GATAD2A: variants seen among roughly 807,000 people sequenced by gnomAD.
The protein encoded by GATAD2A is transcriptional repressor p66-alpha.
In GATAD2A, 12 loss-of-function variants were observed where a neutral mutation model predicts 68.5. That is an observed-to-expected ratio of 0.18 (90% CI 0.11 to 0.28). The LOEUF is 0.28. Ranked by LOEUF, GATAD2A falls within the 10% of genes least tolerant of loss-of-function variation. The pLI is 1.00. For synonymous variants in GATAD2A, 410 were observed against 375.3 expected (o/e 1.09, Z -1.07); for missense variants, 755 against 868.5 (o/e 0.87, Z 1.64).
At chr19:19,417,694 T>C (rs983232963) in intron 1 of GATAD2A, among the ~76,000 whole-genome samples, 5 of 152,118 alleles carry the variant, frequency 3.3e-5, no homozygotes, top group African/African-American at 1.2e-4. Flanking sequence ...AGCATGACAA[T>C]ATCGACTTGA....
At chr19:19,420,609 G>A (rs2052295521) in intron 1 of GATAD2A, among the ~76,000 whole-genome samples, 1 of 151,820 alleles carries the variant, frequency 6.6e-6, no homozygotes, top group Admixed American at 6.6e-5. Context: ...GAAAGTGCTG[G>A]GATTACAGGT....
chr19:19,466,177 T>G (rs755028582), intron 2 of GATAD2A, among the ~76,000 whole-genome samples: 1 of 152,234 alleles, frequency 6.6e-6, no homozygotes, highest in Non-Finnish European at 1.5e-5. Context: ...AAGAGTGACT[T>G]TCCTCATATT....
chr19:19,419,329 C>T (rs1022392941), intron 1 of GATAD2A, among the ~76,000 whole-genome samples: 28 of 152,138 alleles, frequency 1.8e-4, no homozygotes, highest in African/African-American at 2.7e-4. Context: ...TCCTGCATCT[C>T]GTACACTGGC....
Position 19,472,720 on chromosome 19 carries a change from G to A in GATAD2A, c.269+7106G>A, listed in dbSNP as rs1220832153. On this transcript the variant is annotated intron_variant, in intron 2 of 11. Coordinates refer to ENST00000683918, the MANE Select transcript of GATAD2A (RefSeq NM_001384528.1). ...CAGGGGTCCTGCAACTGAAAGGTAAGGACTGAGGGTCCCTCAGTCACCTTG... is the reference window on the plus strand; with the variant it reads ...CAGGGGTCCTGCAACTGAAAGGTAAAGACTGAGGGTCCCTCAGTCACCTTG... 4 of 151,904 alleles carry A rather than the reference G, an allele frequency of 2.6e-5. No individual in the cohort carries two copies. In the South Asian group the frequency reaches 6.2e-4, roughly 24 times the overall value. The allele number at this position is 151,904 out of a possible 1,614,324, so 9.4% of individuals were successfully genotyped here.
At chr19:19,450,230 C>A (rs1011354775) in intron 1 of GATAD2A, among the ~76,000 whole-genome samples, 2 of 152,222 alleles carry the variant, frequency 1.3e-5, no homozygotes. Context: ...GGGTCATTAG[C>A]ATTTCAGATG....
chr19:19,489,415 A>G (rs2059640335), intron 2 of GATAD2A, among the ~76,000 whole-genome samples: 1 of 152,270 alleles, frequency 6.6e-6, no homozygotes, highest in African/African-American at 2.4e-5. Flanking sequence ...TTAAAGGGTC[A>G]TGTGACCAAG....
Position 19,412,151 on chromosome 19 carries a change from A to T in GATAD2A, c.-7+6132A>T, listed in dbSNP as rs1236364738. Among the ~76,000 whole-genome samples the T allele has an allele frequency of 1.9e-4, 24 of 128,156 alleles. 1 individual carries two copies. The highest frequency in any genetic ancestry group is 2.6e-4 in the African/African-American group (9 of 34,384). The allele number at this position is 128,156 out of a possible 152,430, so 84.1% of individuals were successfully genotyped here. The stretch of plus-strand genomic sequence containing the variant: ...TCTCTCTCTTTTTTTTTAATTTTTA[A>T]TTTTTTTTTTAATTTTTTTGTTGAG... On this transcript the variant is annotated intron_variant, in intron 1 of 11. Transcript: ENST00000683918.
intron 2 of GATAD2A, among the ~76,000 whole-genome samples, chr19:19,484,074 A>G (rs1276797544): frequency 6.6e-6 from 1 of 152,106 alleles, no homozygotes; most frequent in Non-Finnish European, 1.5e-5. Context: ...TCCAGGTTGC[A>G]GTGAATGCTG....
Position 19,500,219 on chromosome 19 carries a change from C to T in GATAD2A, c.1205-899C>T, listed in dbSNP as rs142606046. On this transcript the variant is annotated intron_variant, in intron 8 of 11. Transcript: ENST00000683918. ...CTCGCACCATGTCTGGTTCTGGCGCCGCTCACGCTGGCCATGGGTTGGACG... is the reference window on the plus strand; with the variant it reads ...CTCGCACCATGTCTGGTTCTGGCGCTGCTCACGCTGGCCATGGGTTGGACG... Among the ~76,000 whole-genome samples the T allele has an allele frequency of 3.0e-3, 463 of 152,330 alleles. 4 individuals are homozygous for T. The highest frequency in any genetic ancestry group is 1.2e-3 in the Non-Finnish European group (79 of 68,024).
At chr19:19,435,123 A>G (rs111726405) in intron 1 of GATAD2A, 9 of 533,604 alleles carry the variant, frequency 1.7e-5, no homozygotes, top group African/African-American at 1.9e-5. Flanking sequence ...TAAAATGGGC[A>G]TGATCCAGGA....
At chr19:19,478,811 C>CA (rs796546803) in intron 2 of GATAD2A, among the ~76,000 whole-genome samples, 6,989 of 93,424 alleles carry the variant, frequency 0.075, 368 homozygotes, top group African/African-American at 0.18. Context: ...GACCTTGTCT[C>CA]AAAAAAAAAA....
intron 10 of GATAD2A, 84 bp downstream of exon 10, chr19:19,502,127 TTCTG>T (rs1247212467): frequency 1.2e-5 from 13 of 1,049,258 alleles, no homozygotes; most frequent in Non-Finnish European, 1.8e-5. Context: ...ACGCTGCCTC[TTCTG>T]TCTGTCTCTC....
intron 1 of GATAD2A, among the ~76,000 whole-genome samples, chr19:19,425,639 A>G (rs2052987045): frequency 1.3e-5 from 2 of 152,062 alleles, no homozygotes; most frequent in Admixed American, 1.3e-4. Context: ...GTCACTGGGC[A>G]TTTTGTTTTT....
chr19:19,416,688 A>G (rs2051682590), intron 1 of GATAD2A, among the ~76,000 whole-genome samples: 1 of 152,086 alleles, frequency 6.6e-6, no homozygotes, highest in East Asian at 1.9e-4. Context: ...AATTGCTTGG[A>G]AAAATTGGAG....
rs2060861888 is a variant in GATAD2A at position 19,506,234 on chromosome 19, C to G, written c.*760C>G. On this transcript the variant is annotated 3_prime_UTR_variant, in exon 12 of 12. Coordinates refer to ENST00000683918, the MANE Select transcript of GATAD2A (RefSeq NM_001384528.1). ...TGGAGACCCCCGCCCCCGCACCTTCCAGACTTAGCAGAAGAACAAACTGAA... is the reference window on the plus strand; with the variant it reads ...TGGAGACCCCCGCCCCCGCACCTTCGAGACTTAGCAGAAGAACAAACTGAA... 2.5e-6 allele frequency: 1 copy of G among 398,634 alleles called. No homozygotes were observed. The highest frequency in any genetic ancestry group is 4.4e-6 in the Non-Finnish European group (1 of 225,946). The allele number at this position is 398,634 out of a possible 1,614,324, so 24.7% of individuals were successfully genotyped here.
intron 2 of GATAD2A, among the ~76,000 whole-genome samples, chr19:19,482,256 T>C (rs2059113705): frequency 2.0e-5 from 3 of 152,134 alleles, no homozygotes; most frequent in Non-Finnish European, 4.4e-5. Flanking sequence ...ATACAAAAAT[T>C]AGCCAGGTGT....
chr19:19,479,858 G>A (rs1027810480), intron 2 of GATAD2A, among the ~76,000 whole-genome samples: 5 of 104,490 alleles, frequency 4.8e-5, no homozygotes, highest in African/African-American at 1.9e-4. Flanking sequence ...TTTTTTTTGA[G>A]ATGGAGTCTC....
At chr19:19,496,310 T>C in intron 7 of GATAD2A, 91 bp downstream of exon 7, 2 of 1,205,970 alleles carry the variant, frequency 1.7e-6, no homozygotes, top group Admixed American at 1.7e-5. Context: ...CAGTAGTGTT[T>C]CCCTGGGCTG....
In GATAD2A at chr19:19,473,449, A is replaced by G. The variant is rs117548341; in HGVS notation, c.269+7835A>G. 9.2e-3 allele frequency among the ~76,000 whole-genome samples: 1,397 copies of G among 152,318 alleles called. 6 individuals are homozygous for G. Among genetic ancestry groups the G allele is most frequent in the Non-Finnish European group, 0.015 (1,004 of 68,018 alleles). On this transcript the variant is annotated intron_variant, in intron 2 of 11. Coordinates refer to ENST00000683918, the MANE Select transcript of GATAD2A (RefSeq NM_001384528.1). Reference sequence around the variant, plus strand: ...TACTGGGCCTGCAAAACCAGTCGCAATTGGTGACACTGGTGTCCTTGATGA... The same window carrying G: ...TACTGGGCCTGCAAAACCAGTCGCAGTTGGTGACACTGGTGTCCTTGATGA...
Sources: allele counts gnomAD v4.1 joint callset (sites outside exome capture counted in the v4.1 genomes callset), GRCh38; gene constraint gnomAD v4.1.1; transcripts MANE v1.5; gene names NCBI Gene and HGNC (gene_info 2026-07-23, HGNC 2026-07-21).